Variants in CC2D1A observed in about 807,000 individuals in gnomAD.
CC2D1A encodes the protein coiled-coil and C2 domain containing 1A.
CC2D1A carries 68 observed loss-of-function variants against 123.8 expected under a neutral mutation model. That is an observed-to-expected ratio of 0.55 (90% CI 0.45 to 0.67). The LOEUF (loss-of-function observed/expected upper bound fraction) is 0.67, where lower values mean the gene tolerates loss of function less well. Ranked by LOEUF, CC2D1A falls within the 30% of genes least tolerant of loss-of-function variation. The pLI is 0.00. For missense variants in CC2D1A, 1,185 were observed against 1,290.3 expected, an observed-to-expected ratio of 0.92 and a Z score of 1.25; for synonymous variants, 477 against 528.0, an observed-to-expected ratio of 0.90 and a Z score of 1.32.
rs1190736419 is a variant in CC2D1A, at chr19:13,920,581, G to C, written c.1381G>C (p.Ala461Pro). 6 of 1,606,642 alleles carry C rather than the reference G, an allele frequency of 3.7e-6. No homozygotes were observed. The South Asian group carries it at 6.6e-5, about 18-fold the overall frequency. ...GCAGAACAGCCCTGTGGCCCCCACA[G>C]CCCAGCCCAAAGCCCCACCCTCAAG... ...KKQNSPVAPTAQPKAPPSRTP... is the reference protein window; with the variant it reads ...KKQNSPVAPTPQPKAPPSRTP... Residue 461 changes from alanine (A) to proline (P), a missense_variant, in exon 13 of 29, where the codon GCC (alanine) becomes CCC (proline). By Grantham distance (27) the Ala-to-Pro change is conservative (BLOSUM62 -1). Transcript: ENST00000318003.
Position 13,913,515 on chromosome 19 carries a change from C to A in CC2D1A, c.625C>A (p.Pro209Thr), listed in dbSNP as rs765592472. Residue 209 changes from proline (P) to threonine (T), a missense_variant, in exon 6 of 29, where the codon CCT (proline) becomes ACT (threonine). Coordinates refer to ENST00000318003, the MANE Select transcript of CC2D1A (RefSeq NM_017721.5). The stretch of plus-strand genomic sequence containing the variant: ...CCCGGCGTCCACGCCTACCTACAGC[C>A]CTGCACCCACCCAGCCGGCCCCTAG... ...KGPASTPTYSPAPTQPAPRIA... is the reference protein window; with the variant it reads ...KGPASTPTYSTAPTQPAPRIA... The A allele has an allele frequency of 6.2e-7, 1 of 1,614,188 alleles. No individual in the cohort carries two copies. The highest frequency in any genetic ancestry group is 8.5e-7 in the Non-Finnish European group (1 of 1,180,042).
chr19:13,926,037 T>C lies in CC2D1A; in HGVS notation c.1941-480T>C, dbSNP rs1483380858. ...ATACGTATATATATGTGTATATATA[T>C]ATATATACACGTATATATATGTATA... On this transcript the variant is annotated intron_variant, in intron 17 of 28. Coordinates refer to ENST00000318003, the MANE Select transcript of CC2D1A (RefSeq NM_017721.5). Among the ~76,000 whole-genome samples the C allele has an allele frequency of 1.1e-3, 95 of 89,186 alleles. 1 individual carries two copies. The highest frequency in any genetic ancestry group is 4.7e-3 in the Middle Eastern group (1 of 212). 58.5% of individuals were successfully genotyped at this position (89,186 alleles called of 152,430 possible). A position where few individuals can be genotyped will look rare whatever the true frequency, so the allele number is the denominator to read the frequency against.
At chr19:13,927,860 T>C in intron 22 of CC2D1A, 33 bp from the exon 23 acceptor site, 1 of 1,607,228 alleles carries the variant, frequency 6.2e-7, no homozygotes, top group Non-Finnish European at 8.5e-7. Context: ...ACTTCCTGCT[T>C]CCCACCAACA....
chr19:13,921,995 TTTTTG>T (rs368911260), intron 14 of CC2D1A, among the ~76,000 whole-genome samples: 13 of 151,812 alleles, frequency 8.6e-5, no homozygotes, highest in African/African-American at 2.4e-4. Context: ...CTCTTTCTTG[TTTTTG>T]TTTTGTTTTG....
rs1384150995 is a variant in CC2D1A at position 13,913,420 on chromosome 19, T to A, written c.530T>A (p.Leu177His). Residue 177 changes from leucine (L) to histidine (H), a missense_variant, in exon 6 of 29, where the codon CTC (leucine) becomes CAC (histidine). Physicochemically the swap from Leu to His is moderately conservative, Grantham distance 99. Transcript: ENST00000318003. Reference protein sequence around the residue: ...DRGLKTLENLLASIRKGNAID... With the variant: ...DRGLKTLENLHASIRKGNAID... ...TTATCTTAGACACTGGAAAACCTGC[T>A]CGCCTCCATCCGTAAGGGCAATGCC... 1 of 1,614,068 alleles carries A rather than the reference T, an allele frequency of 6.2e-7. No individual in the cohort carries two copies. Among genetic ancestry groups the A allele is most frequent in the Admixed American group, 1.7e-5 (1 of 60,006 alleles).
At chr19:13,927,426 A>G in intron 22 of CC2D1A, 161 bp downstream of exon 22, 1 of 624,236 alleles carries the variant, frequency 1.6e-6, no homozygotes, top group Non-Finnish European at 2.9e-6. Context: ...AAATACTTGC[A>G]GTACCCCACT....
chr19:13,915,315 G>A (rs1971165612), intron 6 of CC2D1A, among the ~76,000 whole-genome samples: 1 of 152,130 alleles, frequency 6.6e-6, no homozygotes, highest in African/African-American at 2.4e-5. Context: ...GCGTGATCTC[G>A]GCTCACTGCA....
intron 6 of CC2D1A, among the ~76,000 whole-genome samples, chr19:13,914,755 C>A (rs773713816): frequency 8.5e-5 from 13 of 152,138 alleles, no homozygotes; most frequent in Non-Finnish European, 1.0e-4. Context: ...CCCGCCTCAG[C>A]CTCCTGAGTA....
chr19:13,919,090 G>T, intron 10 of CC2D1A, 40 bp from the exon 11 acceptor site: 1 of 1,603,586 alleles, frequency 6.2e-7, no homozygotes, highest in Non-Finnish European at 8.5e-7. Context: ...CAGCCCGGGA[G>T]CCCTCCCACA....
chr19:13,906,520 GC>G lies in CC2D1A; in HGVS notation c.60+22del. ...CCGCCAGGTGAGTTTGCGCCCCACGGCCCGACCTGGGGATCCCTCCCCACCC... is the reference window on the plus strand; with the variant it reads ...CCGCCAGGTGAGTTTGCGCCCCACGGCCGACCTGGGGATCCCTCCCCACCC... On this transcript the variant is annotated intron_variant, in intron 1 of 28. Transcript: ENST00000318003. This position sits in a 1 kb window ranked among gnomAD's most constrained non-coding sequence, Gnocchi z 4.1. 6.8e-7 allele frequency: 1 copy of G among 1,466,038 alleles called. No homozygotes were observed. 90.8% of individuals were successfully genotyped at this position (1,466,038 alleles called of 1,614,324 possible).
intron 14 of CC2D1A, among the ~76,000 whole-genome samples, chr19:13,921,475 A>G (rs1971408077): frequency 6.6e-6 from 1 of 151,994 alleles, no homozygotes; most frequent in Non-Finnish European, 1.5e-5. Flanking sequence ...TCTGAGCATC[A>G]TTTTTCTCAG....
In CC2D1A at chr19:13,909,798, G is replaced by A. The variant is rs369966581; in HGVS notation, c.61-25G>A. On this transcript the variant is annotated intron_variant, in intron 1 of 28. Transcript: ENST00000318003. ...TAGCCATGTGGTGAACCAAAGGTCT[G>A]ACTGAACCCTTGCTGTTCCCCTAGC... is the stretch of plus-strand genomic sequence containing the variant. 2.5e-6 allele frequency: 4 copies of A among 1,601,696 alleles called. No individual in the cohort carries two copies. In the African/African-American group the frequency reaches 5.4e-5, roughly 21 times the overall value.
At chr19:13,915,268 C>T (rs562340969) in intron 6 of CC2D1A, among the ~76,000 whole-genome samples, 207 of 152,304 alleles carry the variant, frequency 1.4e-3, no homozygotes, top group Non-Finnish European at 2.0e-3. Flanking sequence ...TTTTTTGAGA[C>T]GGAGTCTCGC....
Position 13,913,506 on chromosome 19 carries a change from A to G in CC2D1A, c.616A>G (p.Thr206Ala). The part of the protein sequence containing the change: ...AIGKGPASTP[T>A]YSPAPTQPAP... ...AGGAAAAGGCCCGGCGTCCACGCCT[A>G]CCTACAGCCCTGCACCCACCCAGCC... Residue 206 changes from threonine (T) to alanine (A), a missense_variant, in exon 6 of 29, where the codon ACC becomes GCC. Physicochemically the swap from Thr to Ala is moderately conservative, Grantham distance 58. Transcript: ENST00000318003. 6.2e-7 allele frequency: 1 copy of G among 1,614,132 alleles called. No individual in the cohort carries two copies. Among genetic ancestry groups the G allele is most frequent in the Non-Finnish European group, 8.5e-7 (1 of 1,180,022 alleles).
Position 13,930,167 on chromosome 19 carries a change from C to T in CC2D1A, c.2787+13C>T, listed in dbSNP as rs377334888. 63 of 1,613,240 alleles carry T rather than the reference C, an allele frequency of 3.9e-5. No individual in the cohort carries two copies. The African/African-American group carries it at 4.4e-4, about 11-fold the overall frequency. ...CGATGGCAGCAGGGTGAGCTGGTCG[C>T]GGGCCGGGTGGGCACTGGGCAGCGG... On this transcript the variant is annotated intron_variant, in intron 27 of 28. Transcript: ENST00000318003. This position sits in a 1 kb window ranked among gnomAD's most constrained non-coding sequence, Gnocchi z 6.8.
At chr19:13,924,751 G>A (rs1255605336) in intron 17 of CC2D1A, among the ~76,000 whole-genome samples, 3 of 152,132 alleles carry the variant, frequency 2.0e-5, no homozygotes, top group Admixed American at 1.3e-4. Context: ...GAGCCACTGC[G>A]TCCGGCCCAT....
At chr19:13,918,856 A>T in intron 9 of CC2D1A, 39 bp downstream of exon 9, 7 of 1,610,432 alleles carry the variant, frequency 4.3e-6, no homozygotes, top group Non-Finnish European at 5.9e-6. Flanking sequence ...GGCAGGCTGG[A>T]GCCAGACTGT....
intron 1 of CC2D1A, among the ~76,000 whole-genome samples, chr19:13,908,108 C>T (rs896802426): frequency 6.6e-6 from 1 of 152,080 alleles, no homozygotes; most frequent in East Asian, 1.9e-4. Flanking sequence ...CGGGTTCAAG[C>T]GATTCTCCTG....
At chr19:13,908,415 G>A (rs968640437) in intron 1 of CC2D1A, among the ~76,000 whole-genome samples, 5 of 151,990 alleles carry the variant, frequency 3.3e-5, no homozygotes, top group Non-Finnish European at 7.4e-5. Flanking sequence ...CAAAGTGCTG[G>A]GATTACAAGC....
Sources: allele counts gnomAD v4.1 joint callset (sites outside exome capture counted in the v4.1 genomes callset), GRCh38; gene constraint gnomAD v4.1.1; non-coding constraint Gnocchi (gnomAD v3.1); transcripts MANE v1.5; gene names NCBI Gene and HGNC (gene_info 2026-07-23, HGNC 2026-07-21).